NEBL: variants seen among roughly 807,000 people sequenced by gnomAD.
NEBL encodes LIM and SH3 protein 2.
A neutral mutation model predicts 140.2 loss-of-function variants in NEBL; 122 were observed. The ratio of observed to expected loss-of-function variants is 0.87; its 90% confidence interval spans 0.75 to 1.01. The LOEUF (loss-of-function observed/expected upper bound fraction) is 1.01. NEBL is among the 50% of genes least tolerant of loss of function. The pLI, the probability that NEBL is intolerant of heterozygous loss-of-function variation, is 0.00. For missense variants in NEBL, 1,365 were observed against 1,231.3 expected (o/e 1.11, Z -1.62); for synonymous variants, 436 against 398.9 (o/e 1.09, Z -1.11).
chr10:20,873,743 A>T (rs958264268), intron 5 of NEBL, among the ~76,000 whole-genome samples: 1 of 152,162 alleles, frequency 6.6e-6, no homozygotes, highest in Non-Finnish European at 1.5e-5. Context: ...TCTTATTTTT[A>T]TTAGAATAAT....
chr10:20,993,959 C>T (rs1167945724), intron 3 of NEBL, among the ~76,000 whole-genome samples: 1 of 152,196 alleles, frequency 6.6e-6, no homozygotes, highest in Non-Finnish European at 1.5e-5. Context: ...GCACATTACT[C>T]ATAAAGGTCA....
chr10:21,170,562 A>G (rs1042238009), intron 2 of NEBL: 2 of 152,404 alleles, frequency 1.3e-5, no homozygotes, highest in Admixed American at 6.6e-5. Flanking sequence ...CTGAAACCTC[A>G]TTTTTGCTTC....
In NEBL at chr10:20,785,296, T is replaced by C. The variant is rs897787283; in HGVS notation, c.*451A>G. On this transcript the variant is annotated 3_prime_UTR_variant, in exon 28 of 28. Transcript: ENST00000377122. ...TTATATTGGGCAATTTTCACTAATATTGGAAATTGCCTCATGACTCAAAAG... is the reference window on the plus strand; with the variant it reads ...TTATATTGGGCAATTTTCACTAATACTGGAAATTGCCTCATGACTCAAAAG... 4.9e-6 allele frequency: 1 copy of C among 204,484 alleles called. No individual in the cohort carries two copies. The highest frequency in any genetic ancestry group is 2.4e-5 in the African/African-American group (1 of 42,404). The allele number at this position is 204,484 out of a possible 1,614,324, so 12.7% of individuals were successfully genotyped here.
At chr10:20,934,569 T>A (rs1299477412) in intron 4 of NEBL, among the ~76,000 whole-genome samples, 2 of 152,100 alleles carry the variant, frequency 1.3e-5, no homozygotes, top group South Asian at 2.1e-4. Context: ...GGCCCGCTCT[T>A]TGCCTGACTG....
At chr10:20,997,599 A>G (rs1278233837) in intron 3 of NEBL, among the ~76,000 whole-genome samples, 2 of 151,930 alleles carry the variant, frequency 1.3e-5, no homozygotes, top group Non-Finnish European at 1.5e-5. Flanking sequence ...AGTTCCTAAC[A>G]AAGTATCATT....
intron 2 of NEBL, among the ~76,000 whole-genome samples, chr10:21,151,860 C>A (rs1675503): frequency 6.6e-6 from 1 of 152,052 alleles, no homozygotes; most frequent in South Asian, 2.1e-4. Flanking sequence ...TCCCCTGCTC[C>A]ATTTTTCTCT....
intron 2 of NEBL, among the ~76,000 whole-genome samples, chr10:21,032,825 G>A (rs994821601): frequency 1.1e-4 from 17 of 152,236 alleles, no homozygotes; most frequent in Admixed American, 5.9e-4. Context: ...GGGTCAAACA[G>A]CTTGCCACCT....
At chr10:20,839,686 T>C (rs1281476715) in intron 13 of NEBL, among the ~76,000 whole-genome samples, 1 of 152,178 alleles carries the variant, frequency 6.6e-6, no homozygotes, top group Non-Finnish European at 1.5e-5. Context: ...CCTCAACAAA[T>C]GGGTGACCAT....
At chr10:20,822,351 ATC>A (rs1232850368) in intron 19 of NEBL, among the ~76,000 whole-genome samples, 7 of 152,000 alleles carry the variant, frequency 4.6e-5, no homozygotes, top group African/African-American at 1.4e-4. Context: ...TTATCTATCT[ATC>A]TATCTATAGG....
At chr10:20,793,557 CTTT>C (rs781461906) in intron 26 of NEBL, among the ~76,000 whole-genome samples, 4 of 141,030 alleles carry the variant, frequency 2.8e-5, no homozygotes. Flanking sequence ...TCTTTCTTTT[CTTT>C]TTTTTTTTTT....
intron 3 of NEBL, among the ~76,000 whole-genome samples, chr10:20,998,128 A>G (rs142436574): frequency 8.5e-5 from 13 of 152,348 alleles, no homozygotes; most frequent in African/African-American, 3.1e-4. Flanking sequence ...CACTGATACG[A>G]TACGGTATGG....
chr10:20,986,200 C>A (rs1184365051), intron 3 of NEBL, among the ~76,000 whole-genome samples: 1 of 152,084 alleles, frequency 6.6e-6, no homozygotes, highest in East Asian at 1.9e-4. Context: ...ACAATATAAC[C>A]AGGAAATATC....
chr10:21,287,353 T>C (rs1843070171), intron 1 of NEBL, among the ~76,000 whole-genome samples: 2 of 152,040 alleles, frequency 1.3e-5, no homozygotes, highest in Non-Finnish European at 1.5e-5. Context: ...CTGGGCAACA[T>C]GGTAAAACCC....
At chr10:21,075,662 T>G (rs1836031524) in intron 2 of NEBL, among the ~76,000 whole-genome samples, 2 of 152,212 alleles carry the variant, frequency 1.3e-5, no homozygotes, top group Non-Finnish European at 2.9e-5. Context: ...TCCTCAACTC[T>G]TAGCTTCAAC....
At chr10:21,169,295 T>C (rs1365234635) in intron 2 of NEBL, among the ~76,000 whole-genome samples, 4 of 151,710 alleles carry the variant, frequency 2.6e-5, no homozygotes, top group South Asian at 2.1e-4. Context: ...AGCATGTATA[T>C]ACATTGACTC....
chr10:21,120,647 G>A (rs550790628), intron 2 of NEBL, among the ~76,000 whole-genome samples: 5 of 142,452 alleles, frequency 3.5e-5, no homozygotes, highest in Non-Finnish European at 6.0e-5. Context: ...TATTTATTGG[G>A]GATTGGCACT....
chr10:21,193,447 C>T (rs538475829), intron 3 of NEBL, among the ~76,000 whole-genome samples: 1 of 152,284 alleles, frequency 6.6e-6, no homozygotes, highest in South Asian at 2.1e-4. Flanking sequence ...TCACCATTAT[C>T]TATCCCTTCA....
At chr10:20,952,839 A>T (rs1326090981) in intron 4 of NEBL, among the ~76,000 whole-genome samples, 1 of 129,174 alleles carries the variant, frequency 7.7e-6, no homozygotes, top group South Asian at 2.7e-4. Context: ...CCGGAGGTGG[A>T]GGTTGCAGTA....
At chr10:20,925,242 T>G (rs1050931437) in intron 4 of NEBL, among the ~76,000 whole-genome samples, 1 of 152,178 alleles carries the variant, frequency 6.6e-6, no homozygotes, top group Non-Finnish European at 1.5e-5. Flanking sequence ...AATGGAAATA[T>G]ACAATGCAAT....
Sources: gnomAD v4.1 joint callset for allele counts (sites outside exome capture counted in the v4.1 genomes callset) on GRCh38, gnomAD v4.1.1 for gene constraint, MANE v1.5 for transcripts, NCBI Gene and HGNC (gene_info 2026-07-23, HGNC 2026-07-21) for gene names.